CAMTA1: variants seen among roughly 807,000 people sequenced by gnomAD.
CAMTA1 encodes the protein calmodulin binding transcription activator 1, also known as calmodulin-binding transcription activator 1.
CAMTA1 carries 27 observed loss-of-function variants against 170.9 expected under a neutral mutation model. The observed-to-expected ratio is 0.16, with a 90% confidence interval of 0.12 to 0.22. The LOEUF is 0.22. Ranked by LOEUF, CAMTA1 falls within the 10% of genes least tolerant of loss-of-function variation. CAMTA1 has a pLI of 1.00. For synonymous variants in CAMTA1, 833 were observed against 891.5 expected, an observed-to-expected ratio of 0.93 and a Z score of 1.17; for missense variants, 1,619 against 2,217.2, an observed-to-expected ratio of 0.73 and a Z score of 5.42.
chr1:7,469,327 A>G lies in CAMTA1; in HGVS notation c.510+1426A>G, dbSNP rs1251676233. 2.0e-5 allele frequency among the ~76,000 whole-genome samples: 3 copies of G among 152,202 alleles called. No individual in the cohort carries two copies. In the East Asian group the frequency reaches 5.8e-4, roughly 29 times the overall value. ...GTCTTGTTACTAGGAATTGGTCCCA[A>G]GGTGTTCCACCCCTTGGCAGAGGGT... On this transcript the variant is annotated intron_variant, in intron 6 of 22. Coordinates refer to ENST00000303635, the MANE Select transcript of CAMTA1 (RefSeq NM_015215.4).
At chr1:7,243,511 C>G (rs915312518) in intron 4 of CAMTA1, among the ~76,000 whole-genome samples, 2 of 152,150 alleles carry the variant, frequency 1.3e-5, no homozygotes, top group Non-Finnish European at 2.9e-5. Context: ...TTGTTTCTGT[C>G]AGGTTTGTCA....
intron 6 of CAMTA1, among the ~76,000 whole-genome samples, chr1:7,498,347 T>A (rs1054100233): frequency 6.8e-6 from 1 of 146,270 alleles, no homozygotes; most frequent in Non-Finnish European, 1.5e-5. Flanking sequence ...TGTATGAGTG[T>A]GTGTAGAGTG....
intron 7 of CAMTA1, among the ~76,000 whole-genome samples, chr1:7,640,849 G>C (rs1460028908): frequency 6.6e-6 from 1 of 152,182 alleles, no homozygotes; most frequent in Non-Finnish European, 1.5e-5. Flanking sequence ...GCCAGGACCG[G>C]GTCTCCGGGG....
rs867634915 is a variant in CAMTA1 at position 6,974,010 on chromosome 1, G to A, written c.235-117294G>A. Among the ~76,000 whole-genome samples the A allele has an allele frequency of 3.3e-5, 5 of 152,308 alleles. 1 individual carries two copies. The South Asian group carries it at 8.3e-4, about 25-fold the overall frequency. Reference sequence around the variant, plus strand: ...ATCCTCAAATCCAGCTTGAAGCTGCGGTTGAATTTTTGTGGGGTTCTCATT... The same window carrying A: ...ATCCTCAAATCCAGCTTGAAGCTGCAGTTGAATTTTTGTGGGGTTCTCATT... On this transcript the variant is annotated intron_variant, in intron 3 of 22. Transcript: ENST00000303635.
Position 7,594,139 on chromosome 1 carries a change from G to GAAAGAAAGAAAGAAAGAAAGAAAGAA in CAMTA1, c.511-46259_511-46258insAGAAAGAAAGAAAGAAAGAAAGAAAA, listed in dbSNP as rs1351655341. Among the ~76,000 whole-genome samples the GAAAGAAAGAAAGAAAGAAAGAAAGAA allele has an allele frequency of 5.7e-5, 8 of 140,978 alleles. 1 individual carries two copies. Among genetic ancestry groups the GAAAGAAAGAAAGAAAGAAAGAAAGAA allele is most frequent in the African/African-American group, 2.4e-4 (8 of 33,396 alleles). 92.5% of individuals were successfully genotyped at this position (140,978 alleles called of 152,430 possible). On this transcript the variant is annotated intron_variant, in intron 6 of 22. Transcript: ENST00000303635. ...AGAGAGAAAGAAAGAAAGAAAGAAA[G>GAAAGAAAGAAAGAAAGAAAGAAAGAA]AAGGAAGGAAGGAAAGAAGGAAGGA...
intron 6 of CAMTA1, among the ~76,000 whole-genome samples, chr1:7,542,358 CT>C (rs993135900): frequency 2.0e-5 from 3 of 151,626 alleles, no homozygotes; most frequent in Non-Finnish European, 2.9e-5. Flanking sequence ...TAGTGTTTTG[CT>C]TTTTTTTCAC....
At chr1:7,425,143 G>A (rs187227260) in intron 5 of CAMTA1, among the ~76,000 whole-genome samples, 12 of 152,308 alleles carry the variant, frequency 7.9e-5, no homozygotes, top group South Asian at 4.1e-4. Flanking sequence ...CTATTCTCAC[G>A]TTTGTAAGGT....
intron 4 of CAMTA1, among the ~76,000 whole-genome samples, chr1:7,161,540 C>A (rs575419743): frequency 2.0e-5 from 3 of 152,108 alleles, no homozygotes; most frequent in Non-Finnish European, 4.4e-5. Context: ...GAATGAGTCT[C>A]AGGAGATTGG....
chr1:6,890,134 C>G (rs975398550), intron 3 of CAMTA1, among the ~76,000 whole-genome samples: 2 of 152,208 alleles, frequency 1.3e-5, no homozygotes, highest in African/African-American at 4.8e-5. Context: ...GGAGGCTCTG[C>G]TGAAGAGAAG....
At chr1:7,448,616 A>G (rs964028540) in intron 5 of CAMTA1, among the ~76,000 whole-genome samples, 1 of 152,220 alleles carries the variant, frequency 6.6e-6, no homozygotes, top group Non-Finnish European at 1.5e-5. Context: ...TGGAAGTCCA[A>G]GATCAAGGTA....
chr1:6,843,056 G>T (rs944395710), intron 3 of CAMTA1, among the ~76,000 whole-genome samples: 1 of 152,176 alleles, frequency 6.6e-6, no homozygotes, highest in Non-Finnish European at 1.5e-5. Context: ...TCTGAATTTG[G>T]ATTAAAACTC....
In CAMTA1 at chr1:6,997,656, C is replaced by CTTTTTTTTTTTTTTT. The variant is rs201500847; in HGVS notation, c.235-93645_235-93644insTTTTTTTTTTTTTTT. Among the ~76,000 whole-genome samples, 81 of 128,360 alleles carry CTTTTTTTTTTTTTTT rather than the reference C, an allele frequency of 6.3e-4. 3 individuals carry two copies. Among genetic ancestry groups the CTTTTTTTTTTTTTTT allele is most frequent in the African/African-American group, 1.1e-3 (33 of 30,378 alleles). 84.2% of individuals were successfully genotyped at this position (128,360 alleles called of 152,430 possible). ...CTGTTTTCCATATTTCCTTTCTTTT[C>CTTTTTTTTTTTTTTT]TTTCTTTTTTTTTTTTTTTTTGAGA... is the stretch of plus-strand genomic sequence containing the variant. On this transcript the variant is annotated intron_variant, in intron 3 of 22. Coordinates refer to ENST00000303635, the MANE Select transcript of CAMTA1 (RefSeq NM_015215.4).
At chr1:6,902,086 A>AAAT (rs1553180556) in intron 3 of CAMTA1, among the ~76,000 whole-genome samples, 3 of 136,914 alleles carry the variant, frequency 2.2e-5, no homozygotes, top group African/African-American at 8.3e-5. Flanking sequence ...AAAAAAAATA[A>AAAT]AAATAAAAAC....
chr1:7,110,605 A>G (rs1643968520), intron 4 of CAMTA1, among the ~76,000 whole-genome samples: 1 of 152,220 alleles, frequency 6.6e-6, no homozygotes. Context: ...GGACAGCGTC[A>G]TCTTTACAGA....
At position 7,050,322 on chromosome 1, in the gene CAMTA1, C is replaced by T. The variant is rs913264816; in HGVS notation, c.235-40982C>T. On this transcript the variant is annotated intron_variant, in intron 3 of 22. Coordinates refer to ENST00000303635, the MANE Select transcript of CAMTA1 (RefSeq NM_015215.4). The surrounding 1 kb of genome is among the most constrained non-coding windows in gnomAD (Gnocchi z 4.8). ...AAGAGAGTCTGTAGATAATAAGCTG[C>T]CTGCACCCTGAGCTACTCCAGAGAC... is the stretch of plus-strand genomic sequence containing the variant. 6.6e-6 allele frequency among the ~76,000 whole-genome samples: 1 copy of T among 152,116 alleles called. No individual in the cohort carries two copies. Among genetic ancestry groups the T allele is most frequent in the Non-Finnish European group, 1.5e-5 (1 of 68,014 alleles).
At chr1:7,756,937 A>C (rs1177996646) in intron 22 of CAMTA1, among the ~76,000 whole-genome samples, 6 of 152,216 alleles carry the variant, frequency 3.9e-5, no homozygotes, top group African/African-American at 1.4e-4. Flanking sequence ...TTAATTTGAC[A>C]ACCTGTTTCT....
chr1:6,866,906 CAAG>C (rs1666750113), intron 3 of CAMTA1, among the ~76,000 whole-genome samples: 1 of 152,166 alleles, frequency 6.6e-6, no homozygotes, highest in African/African-American at 2.4e-5. Context: ...TCTCATGTAA[CAAG>C]AAGACAAGCA....
chr1:7,151,446 G>A (rs1430085240), intron 4 of CAMTA1, among the ~76,000 whole-genome samples: 1 of 152,314 alleles, frequency 6.6e-6, no homozygotes, highest in East Asian at 1.9e-4. Flanking sequence ...GGGTTCCCCT[G>A]GTGACCCCAC....
At chr1:7,452,592 A>G (rs938432595) in intron 5 of CAMTA1, among the ~76,000 whole-genome samples, 2 of 152,196 alleles carry the variant, frequency 1.3e-5, no homozygotes, top group African/African-American at 4.8e-5. Context: ...TGACCTCTTC[A>G]GAATGTTTCC....
Sources: allele counts gnomAD v4.1 joint callset (sites outside exome capture counted in the v4.1 genomes callset), GRCh38; gene constraint gnomAD v4.1.1; non-coding constraint Gnocchi (gnomAD v3.1); transcripts MANE v1.5; gene names NCBI Gene and HGNC (gene_info 2026-07-23, HGNC 2026-07-21).